The following CCM2 variants were observed in gnomAD, a reference collection of about 807,000 sequenced individuals.
The protein encoded by CCM2 is cerebral cavernous malformations 2 protein.
In CCM2, 25 loss-of-function variants were observed where a neutral mutation model predicts 44.9. The ratio of observed to expected loss-of-function variants is 0.56; its 90% CI spans 0.41 to 0.78. CCM2 has a LOEUF of 0.78. Ranked by LOEUF, CCM2 falls within the 30% of genes least tolerant of loss-of-function variation. CCM2 has a pLI of 0.00. For synonymous variants in CCM2, 219 were observed against 241.1 expected (o/e 0.91, Z 0.85); for missense variants, 481 against 580.6 (o/e 0.83, Z 1.76).
chr7:45,045,077 A>G (rs1386974721), intron 2 of CCM2, among the ~76,000 whole-genome samples: 1 of 152,218 alleles, frequency 6.6e-6, no homozygotes, highest in Non-Finnish European at 1.5e-5. Context: ...AGATACCTTT[A>G]CATATGTCTA....
chr7:45,073,022 C>A, intron 7 of CCM2: 2 of 629,460 alleles, frequency 3.2e-6, no homozygotes, highest in African/African-American at 1.8e-5. Flanking sequence ...CATGGCCTCC[C>A]AAGAGTGAGC....
chr7:45,075,749 T>C, intron 9 of CCM2, 28 bp from the exon 10 acceptor site: 1 of 1,613,064 alleles, frequency 6.2e-7, no homozygotes, highest in Middle Eastern at 1.7e-4. Flanking sequence ...GAACTGGAGG[T>C]GCCATGCTGG....
At chr7:45,063,861 G>A in intron 2 of CCM2, 57 bp from the exon 3 acceptor site, 1 of 1,115,952 alleles carries the variant, frequency 9.0e-7, no homozygotes, top group African/African-American at 1.6e-5. Flanking sequence ...TGGTAGTGAT[G>A]GTGGTGTTGG....
chr7:45,033,177 C>T (rs775257932), intron 1 of CCM2, among the ~76,000 whole-genome samples: 6 of 152,030 alleles, frequency 3.9e-5, no homozygotes, highest in Non-Finnish European at 5.9e-5. Flanking sequence ...GTTTCCTTGC[C>T]CTGCAAGAGT....
chr7:44,999,797 GCTGCTCCCGCGC>G (rs1409026261), upstream of CCM2: 6 of 448,460 alleles, frequency 1.3e-5, no homozygotes, highest in Non-Finnish European at 2.2e-5. Context: ...AAAAGTTGGA[GCTGCTCCCGCGC>G]GCGCTCCCGC....
chr7:45,007,370 G>C (rs74552514), intron 1 of CCM2, among the ~76,000 whole-genome samples: 4 of 152,110 alleles, frequency 2.6e-5, no homozygotes, highest in Non-Finnish European at 5.9e-5. Context: ...AGCGCGCTTC[G>C]CACTCCTTGG....
chr7:45,001,193 C>T (rs1795609203), intron 1 of CCM2, among the ~76,000 whole-genome samples: 1 of 152,168 alleles, frequency 6.6e-6, no homozygotes, highest in African/African-American at 2.4e-5. Flanking sequence ...CTTTAATTGA[C>T]AGCTACTCAC....
At chr7:45,000,845 G>A (rs753988347) in intron 1 of CCM2, among the ~76,000 whole-genome samples, 4 of 152,204 alleles carry the variant, frequency 2.6e-5, no homozygotes, top group Non-Finnish European at 4.4e-5. Context: ...TTTTAGTGAC[G>A]CTAGCTACAT....
intron 1 of CCM2, among the ~76,000 whole-genome samples, chr7:45,013,885 A>C (rs931109976): frequency 6.6e-6 from 1 of 152,172 alleles, no homozygotes; most frequent in Non-Finnish European, 1.5e-5. Context: ...CAGATGATGT[A>C]TTCTTCTCAT....
intron 1 of CCM2, among the ~76,000 whole-genome samples, chr7:45,001,409 G>C (rs1390453373): frequency 6.6e-6 from 1 of 152,266 alleles, no homozygotes; most frequent in Non-Finnish European, 1.5e-5. Context: ...TCAAGATAGT[G>C]ATTCAGCCTG....
At chr7:45,066,245 C>T (rs1006609990) in intron 4 of CCM2, among the ~76,000 whole-genome samples, 3 of 152,098 alleles carry the variant, frequency 2.0e-5, no homozygotes, top group Non-Finnish European at 4.4e-5. Context: ...TTTGTGGATG[C>T]ACCGGAGCAG....
At chr7:45,074,015 G>A (rs1799219353) in intron 8 of CCM2, 7 of 710,884 alleles carry the variant, frequency 9.8e-6, no homozygotes, top group African/African-American at 1.8e-5. Flanking sequence ...GCTGGCTCCT[G>A]TCCCTCCCAT....
chr7:45,036,958 G>T (rs537321013), intron 1 of CCM2, among the ~76,000 whole-genome samples: 1 of 152,138 alleles, frequency 6.6e-6, no homozygotes, highest in Non-Finnish European at 1.5e-5. Flanking sequence ...CGTTTCCTCT[G>T]TTGAGAGTTA....
chr7:45,010,919 A>G (rs536512734), intron 1 of CCM2, among the ~76,000 whole-genome samples: 2 of 152,328 alleles, frequency 1.3e-5, no homozygotes, highest in Non-Finnish European at 2.9e-5. Context: ...TTATGTGAAC[A>G]TGTTTTCATT....
chr7:45,038,943 A>G (rs1797352178), intron 2 of CCM2, among the ~76,000 whole-genome samples: 1 of 152,236 alleles, frequency 6.6e-6, no homozygotes, highest in South Asian at 2.1e-4. Context: ...TATGAATAAA[A>G]AGGTATAAAG....
At chr7:45,066,953 T>A (rs986068534) in intron 4 of CCM2, among the ~76,000 whole-genome samples, 30 of 149,466 alleles carry the variant, frequency 2.0e-4, no homozygotes, top group African/African-American at 6.4e-4. Flanking sequence ...CAGGCTGGAG[T>A]GTAGTGCCGT....
At chr7:45,071,195 G>C (rs999105580) in intron 6 of CCM2, 4 of 152,480 alleles carry the variant, frequency 2.6e-5, no homozygotes, top group African/African-American at 4.8e-5. Flanking sequence ...TACCATATGA[G>C]TAGCAGATGA....
chr7:45,041,448 C>T lies in CCM2; in HGVS notation c.204+3022C>T, dbSNP rs184036037. On this transcript the variant is annotated intron_variant, in intron 2 of 9. Transcript: ENST00000258781. ...GACCACCCAGGACCCAGAAAATGAC[C>T]CAGTAGTGATTTCTTCAGGTTGTCT... Among the ~76,000 whole-genome samples the T allele has an allele frequency of 6.6e-5, 10 of 152,182 alleles. No homozygotes were observed. In the East Asian group the frequency reaches 1.7e-3, roughly 26 times the overall value.
intron 1 of CCM2, among the ~76,000 whole-genome samples, chr7:45,034,209 CTT>C (rs869231171): frequency 8.3e-5 from 12 of 145,254 alleles, no homozygotes; most frequent in Non-Finnish European, 1.1e-4. Flanking sequence ...TATGGAAGCA[CTT>C]TTTTTTTTTT....
Sources: allele counts gnomAD v4.1 joint callset (sites outside exome capture counted in the v4.1 genomes callset), GRCh38; gene constraint gnomAD v4.1.1; transcripts MANE v1.5; gene names NCBI Gene and HGNC (gene_info 2026-07-23, HGNC 2026-07-21).